SEC14L3: variants seen among roughly 807,000 people sequenced by gnomAD.
SEC14L3 encodes SEC14-like protein 3.
Under a neutral mutation model 57.4 loss-of-function variants are expected in SEC14L3, and 56 were observed. That is an observed-to-expected ratio of 0.97 (90% CI 0.79 to 1.22). The LOEUF (loss-of-function observed/expected upper bound fraction) is 1.22, where lower values mean the gene tolerates loss of function less well. Among genes scored for constraint, SEC14L3 ranks in the 50% most tolerant of loss-of-function variants. The pLI is 0.00. For synonymous variants in SEC14L3, 173 were observed against 194.4 expected (o/e 0.89, Z 0.92); for missense variants, 485 against 511.7 (o/e 0.95, Z 0.50).
intron 12 of SEC14L3, among the ~76,000 whole-genome samples, chr22:30,450,568 G>A (rs1014895257): frequency 6.6e-6 from 1 of 152,174 alleles, no homozygotes; most frequent in Non-Finnish European, 1.5e-5. Flanking sequence ...CTTCCAAAGT[G>A]CTGGGATTAC....
chr22:30,460,258 G>T (rs1935211955), intron 11 of SEC14L3, 116 bp from the exon 12 acceptor site: 3 of 1,513,012 alleles, frequency 2.0e-6, no homozygotes, highest in Admixed American at 1.9e-5. Flanking sequence ...GCCAAGCTGG[G>T]CCAAGCTCCC....
At chr22:30,463,597 A>C (rs932176388) in intron 8 of SEC14L3, among the ~76,000 whole-genome samples, 2 of 152,196 alleles carry the variant, frequency 1.3e-5, no homozygotes, top group African/African-American at 4.8e-5. Flanking sequence ...AATTGGGTAG[A>C]GGCAGAGGCT....
At chr22:30,450,495 G>A (rs1175294148) in intron 12 of SEC14L3, among the ~76,000 whole-genome samples, 4 of 152,038 alleles carry the variant, frequency 2.6e-5, no homozygotes, top group African/African-American at 9.7e-5. Flanking sequence ...TAGAGACAGT[G>A]TTTCACCATA....
chr22:30,461,309 C>G lies in SEC14L3; in HGVS notation c.1081+1G>C. 6.3e-7 allele frequency: 1 copy of G among 1,580,296 alleles called. No homozygotes were observed. The highest frequency in any genetic ancestry group is 2.2e-5 in the East Asian group (1 of 44,590). ...CCAGGTCCCAGCTGGGGCAGACTTA[C>G]AGACGCCGGCCTCTGAGCAGGTGAG... On this transcript the variant is annotated splice_donor_variant, in intron 11 of 11. Coordinates refer to ENST00000215812, the MANE Select transcript of SEC14L3 (RefSeq NM_174975.5). LOFTEE classifies it high-confidence loss of function.
In SEC14L3 at chr22:30,470,592, G is replaced by A. The variant is rs1935575579; in HGVS notation, c.55-10C>T. 2 of 1,614,078 alleles carry A rather than the reference G, an allele frequency of 1.2e-6. No homozygotes were observed. The highest frequency in any genetic ancestry group is 2.7e-5 in the African/African-American group (2 of 74,934). On this transcript the variant is annotated splice_polypyrimidine_tract_variant and intron_variant, in intron 1 of 11. Transcript: ENST00000215812. ...GGACGTTTTCTCGGAACTGGCAAGA[G>A]AGATGCTGGTTAAAGTGGCTCTCTC...
Position 30,459,868 on chromosome 22 carries a change from C to G in SEC14L3, c.*153G>C. On this transcript the variant is annotated 3_prime_UTR_variant, in exon 12 of 12. Transcript: ENST00000215812. ...TCTCATACCTTTCTTGATCTGACCA[C>G]AGTAGATGAGTTTTCCCCAGGGCAT... 4.3e-6 allele frequency: 6 copies of G among 1,410,322 alleles called. No homozygotes were observed. Among genetic ancestry groups the G allele is most frequent in the Non-Finnish European group, 3.7e-6 (4 of 1,078,788 alleles). 87.4% of individuals were successfully genotyped at this position (1,410,322 alleles called of 1,614,324 possible).
Position 30,460,155 on chromosome 22 carries a change from T to C in SEC14L3, c.1082-13A>G. ...AAGCGTAGGACATCTGGGGGACAGA[T>C]GGAAAGAGGGGCATTGGGCTTGGCT... On this transcript the variant is annotated splice_polypyrimidine_tract_variant and intron_variant, in intron 11 of 11. Transcript: ENST00000215812. 1 of 1,613,070 alleles carries C rather than the reference T, an allele frequency of 6.2e-7. No individual in the cohort carries two copies. Among genetic ancestry groups the C allele is most frequent in the Non-Finnish European group, 8.5e-7 (1 of 1,179,288 alleles).
At chr22:30,466,488 C>T in intron 6 of SEC14L3, 94 bp from the exon 7 acceptor site, 1 of 1,570,512 alleles carries the variant, frequency 6.4e-7, no homozygotes, top group South Asian at 1.2e-5. Flanking sequence ...TTTCAGATGG[C>T]TCTGGAGGGT....
In SEC14L3 at chr22:30,461,489, G is replaced by A. The variant is rs368735036; in HGVS notation, c.912-10C>T. Reference sequence around the variant, plus strand: ...AGATGAGAACTGCCACCTGTCAGGGGGAGGGGGAGGAGACAGGTTGCTGCT... The same window carrying A: ...AGATGAGAACTGCCACCTGTCAGGGAGAGGGGGAGGAGACAGGTTGCTGCT... On this transcript the variant is annotated splice_polypyrimidine_tract_variant and intron_variant, in intron 10 of 11. Coordinates refer to ENST00000215812, the MANE Select transcript of SEC14L3 (RefSeq NM_174975.5). The A allele has an allele frequency of 1.2e-6, 2 of 1,611,408 alleles. No homozygotes were observed. Among genetic ancestry groups the A allele is most frequent in the African/African-American group, 1.3e-5 (1 of 74,760 alleles).
At chr22:30,458,056 C>A (rs1213997854), downstream of SEC14L3, among the ~76,000 whole-genome samples, 6 of 152,216 alleles carry the variant, frequency 3.9e-5, no homozygotes, top group African/African-American at 1.4e-4. Context: ...AGCCTGCCCA[C>A]GGATGAGCTC....
chr22:30,465,405 GCCAACCATCCAAATAACCAGTCAT>G (rs1239693554), intron 7 of SEC14L3, among the ~76,000 whole-genome samples: 3 of 151,736 alleles, frequency 2.0e-5, no homozygotes, highest in African/African-American at 7.3e-5. Flanking sequence ...TAACCAGCCA[GCCAACCATCCAAATAACCAGTCAT>G]CCAACCATCC....
chr22:30,454,543 T>TTATTAGATATAATCTATAA (rs1569224935), downstream of SEC14L3, among the ~76,000 whole-genome samples: 2 of 116,428 alleles, frequency 1.7e-5, 1 homozygote, highest in Non-Finnish European at 3.3e-5. Context: ...TATAATAATA[T>TTATTAGATATAATCTATAA]TATATATAAT....
intron 8 of SEC14L3, 61 bp from the exon 9 acceptor site, chr22:30,462,253 C>A (rs1422579243): frequency 1.2e-5 from 18 of 1,538,368 alleles, no homozygotes; most frequent in Non-Finnish European, 1.6e-5. Context: ...TAGCCTCCCA[C>A]ACCCACCAGG....
downstream of SEC14L3, among the ~76,000 whole-genome samples, chr22:30,459,019 CAAACAAACAAAT>C (rs1935169907): frequency 6.6e-6 from 1 of 152,080 alleles, no homozygotes; most frequent in African/African-American, 2.4e-5. Flanking sequence ...AAAAAACAAA[CAAACAAACAAAT>C]AAACAAACAA....
At chr22:30,470,688 G>A in intron 1 of SEC14L3, 106 bp from the exon 2 acceptor site, 1 of 1,554,176 alleles carries the variant, frequency 6.4e-7, no homozygotes, top group Non-Finnish European at 8.7e-7. Context: ...ATGCAAAATG[G>A]CCCACATTGA....
downstream of SEC14L3, among the ~76,000 whole-genome samples, chr22:30,458,160 G>A (rs1935152041): frequency 6.6e-6 from 1 of 152,172 alleles, no homozygotes; most frequent in East Asian, 1.9e-4. Flanking sequence ...GGCTCCCCTG[G>A]CAAGAGTTGT....
chr22:30,466,940 T>C (rs762830475), intron 6 of SEC14L3, 42 bp downstream of exon 6: 2 of 1,575,852 alleles, frequency 1.3e-6, no homozygotes, highest in Non-Finnish European at 1.7e-6. Context: ...GCCAAGCTGG[T>C]CATCAAAGCA....
chr22:30,458,284 C>T (rs538774908), downstream of SEC14L3, among the ~76,000 whole-genome samples: 6 of 152,306 alleles, frequency 3.9e-5, no homozygotes, highest in African/African-American at 1.4e-4. Flanking sequence ...TCATGGTGAG[C>T]GTCAGGGGGT....
chr22:30,454,896 TAG>T (rs1200364331), downstream of SEC14L3, among the ~76,000 whole-genome samples: 1 of 17,084 alleles, frequency 5.9e-5, no homozygotes, highest in Non-Finnish European at 8.6e-5. Context: ...TATTATATAA[TAG>T]ATATATAATA....
Sources: gnomAD v4.1 joint callset for allele counts (sites outside exome capture counted in the v4.1 genomes callset) on GRCh38, gnomAD v4.1.1 for gene constraint, MANE v1.5 for transcripts, NCBI Gene and HGNC (gene_info 2026-07-23, HGNC 2026-07-21) for gene names.